The following ENKUR variants were observed in gnomAD, a reference collection of about 807,000 sequenced individuals.
ENKUR encodes the protein enkurin, TRPC channel interacting protein, also known as enkurin.
In ENKUR, 19 loss-of-function variants were observed where a neutral mutation model predicts 27.6. That is an observed-to-expected ratio of 0.69 (90% CI 0.48 to 1.01). The LOEUF (loss-of-function observed/expected upper bound fraction) is 1.01. ENKUR is among the 50% of genes least tolerant of loss of function. The pLI is 0.00. For missense variants in ENKUR, 312 were observed against 310.5 expected (o/e 1.00, Z -0.04); for synonymous variants, 117 against 96.9 (o/e 1.21, Z -1.22).
rs1849698462 is a variant in ENKUR, at chr10:24,982,898, T to G, written c.*1472A>C. The G allele has an allele frequency of 6.6e-6, 1 of 152,264 alleles. No individual in the cohort carries two copies. Among genetic ancestry groups the G allele is most frequent in the Non-Finnish European group, 1.5e-5 (1 of 68,050 alleles). The allele number at this position is 152,264 out of a possible 1,614,324, so 9.4% of individuals were successfully genotyped here. On this transcript the variant is annotated 3_prime_UTR_variant, in exon 6 of 6. Coordinates refer to ENST00000331161, the MANE Select transcript of ENKUR (RefSeq NM_145010.4). ...TGTTAAAACCACAAAGTTTTCATTT[T>G]AACATTTAAGGCAACTCCCACTCAT...
chr10:25,057,023 A>G (rs1337187681), intron 2 of ENKUR, among the ~76,000 whole-genome samples: 2 of 152,234 alleles, frequency 1.3e-5, no homozygotes, highest in Non-Finnish European at 2.9e-5. Flanking sequence ...TCGCTGTCAA[A>G]GCATTCTTCT....
intron 1 of ENKUR, among the ~76,000 whole-genome samples, chr10:25,003,765 TCATCACCCAG>T (rs1485493088): frequency 5.3e-5 from 8 of 152,284 alleles, no homozygotes; most frequent in African/African-American, 1.9e-4. Flanking sequence ...ACAGATTATT[TCATCACCCAG>T]GTATTAAACC....
chr10:24,989,586 A>C (rs951171884), intron 4 of ENKUR, among the ~76,000 whole-genome samples: 26 of 152,252 alleles, frequency 1.7e-4, no homozygotes, highest in Non-Finnish European at 3.1e-4. Flanking sequence ...ACTCCACTGC[A>C]GATATTTTAA....
chr10:24,988,558 G>A (rs1481084177), intron 4 of ENKUR, among the ~76,000 whole-genome samples: 3 of 147,312 alleles, frequency 2.0e-5, no homozygotes, highest in Non-Finnish European at 4.5e-5. Context: ...ATATGAATGT[G>A]TGTCTGTGTG....
At chr10:25,029,494 T>C (rs903951444) in intron 2 of ENKUR, among the ~76,000 whole-genome samples, 18 of 152,180 alleles carry the variant, frequency 1.2e-4, no homozygotes, top group Admixed American at 6.5e-5. Context: ...GCAAATATTG[T>C]TTCAATCCAT....
intron 2 of ENKUR, chr10:25,024,709 A>G: frequency 6.2e-7 from 1 of 1,614,154 alleles, no homozygotes; most frequent in East Asian, 2.2e-5. Context: ...TCAAGGATTT[A>G]TTTCTTTTGG....
intron 2 of ENKUR, among the ~76,000 whole-genome samples, chr10:25,051,950 T>C (rs1236885521): frequency 6.6e-6 from 1 of 152,222 alleles, no homozygotes; most frequent in African/African-American, 2.4e-5. Context: ...TAGCCATATC[T>C]GCATCAGCAA....
chr10:24,999,295 A>G, intron 2 of ENKUR, 106 bp downstream of exon 2: 2 of 1,112,672 alleles, frequency 1.8e-6, no homozygotes, highest in Non-Finnish European at 2.5e-6. Flanking sequence ...AATATGAGGT[A>G]AAGCTGCTAT....
intron 2 of ENKUR, chr10:25,024,457 G>T (rs745450253): frequency 3.7e-6 from 6 of 1,614,058 alleles, no homozygotes; most frequent in African/African-American, 2.7e-5. Flanking sequence ...TGAGAATGGA[G>T]TAAGTGATTT....
chr10:25,023,797 T>A, intron 2 of ENKUR: 1 of 1,614,148 alleles, frequency 6.2e-7, no homozygotes, highest in Non-Finnish European at 8.5e-7. Flanking sequence ...TAGAAGACAG[T>A]ATTATAAGAA....
chr10:25,016,022 CCT>C lies in ENKUR; in HGVS notation c.-88_-87del. 1 of 1,521,640 alleles carries C rather than the reference CCT, an allele frequency of 6.6e-7. No individual in the cohort carries two copies. The highest frequency in any genetic ancestry group is 8.8e-7 in the Non-Finnish European group (1 of 1,133,842). The allele number at this position is 1,521,640 out of a possible 1,614,324, so 94.3% of individuals were successfully genotyped here. On this transcript the variant is annotated 5_prime_UTR_variant, in exon 1 of 6. Coordinates refer to ENST00000331161, the MANE Select transcript of ENKUR (RefSeq NM_145010.4). ...CTCCGTCCCTTTCTTCACTGCTTCC[CCT>C]TTCTTTCTTCTTCGCCTTCTGAAGG...
intron 2 of ENKUR, among the ~76,000 whole-genome samples, chr10:25,057,961 T>C (rs1421805831): frequency 6.6e-6 from 1 of 152,088 alleles, no homozygotes; most frequent in Admixed American, 6.6e-5. Context: ...AATAACATCA[T>C]GATAAAACAG....
chr10:25,010,859 G>A (rs577431406), intron 1 of ENKUR, among the ~76,000 whole-genome samples: 12 of 151,480 alleles, frequency 7.9e-5, no homozygotes, highest in African/African-American at 2.2e-4. Context: ...GGACATTTGG[G>A]TTGGTTCCAA....
intron 1 of ENKUR, among the ~76,000 whole-genome samples, chr10:25,000,299 G>T (rs568962365): frequency 1.3e-5 from 2 of 152,056 alleles, no homozygotes; most frequent in East Asian, 1.9e-4. Context: ...ATGTTGTGCC[G>T]CTGTTGGCTG....
chr10:25,037,078 G>A (rs1270594632), intron 2 of ENKUR, among the ~76,000 whole-genome samples: 1 of 152,232 alleles, frequency 6.6e-6, no homozygotes, highest in South Asian at 2.1e-4. Context: ...GGCATGTGCT[G>A]TTCACTTTGC....
At chr10:25,008,256 G>A (rs957051331) in intron 1 of ENKUR, among the ~76,000 whole-genome samples, 1 of 152,038 alleles carries the variant, frequency 6.6e-6, no homozygotes, top group Non-Finnish European at 1.5e-5. Flanking sequence ...AACAAAAAGA[G>A]ACTTTGGAAT....
At chr10:25,027,356 T>TAAAAAAAAAAAAAA (rs1564352066) in intron 2 of ENKUR, among the ~76,000 whole-genome samples, 511 of 45,712 alleles carry the variant, frequency 0.011, 95 homozygotes, top group Admixed American at 0.036. Context: ...GACTCCCGTC[T>TAAAAAAAAAAAAAA]CAAAAAAAAA....
intron 1 of ENKUR, among the ~76,000 whole-genome samples, chr10:25,000,692 A>G (rs529681564): frequency 6.6e-6 from 1 of 152,150 alleles, no homozygotes; most frequent in Non-Finnish European, 1.5e-5. Flanking sequence ...TACTTGTTGG[A>G]GTTTTCCTAT....
intron 1 of ENKUR, among the ~76,000 whole-genome samples, chr10:25,005,784 T>C (rs1293157891): frequency 1.3e-5 from 2 of 152,210 alleles, no homozygotes. Flanking sequence ...TGCACTTACT[T>C]GACAACACAG....
Sources: allele counts gnomAD v4.1 joint callset (sites outside exome capture counted in the v4.1 genomes callset), GRCh38; gene constraint gnomAD v4.1.1; transcripts MANE v1.5; gene names NCBI Gene and HGNC (gene_info 2026-07-23, HGNC 2026-07-21).